The following TAP2 variants were observed in gnomAD, a reference collection of about 807,000 sequenced individuals.
The protein encoded by TAP2 is transporter 2, ATP binding cassette subfamily B member.
A neutral mutation model predicts 74.7 loss-of-function variants in TAP2; 49 were observed. That is an observed-to-expected ratio of 0.66 (90% CI 0.52 to 0.83). The LOEUF is 0.83. Ranked by LOEUF, TAP2 falls within the 40% of genes least tolerant of loss-of-function variation. The pLI is 0.00. For synonymous variants in TAP2, 306 were observed against 368.4 expected (o/e 0.83, Z 1.94); for missense variants, 739 against 859.0 (o/e 0.86, Z 1.75).
At position 32,827,286 on chromosome 6, in the gene TAP2, T is replaced by C. The variant is rs149939474; in HGVS notation, c.*1620A>G. On this transcript the variant is annotated 3_prime_UTR_variant, in exon 12 of 12. Transcript: ENST00000374897. ...AATGTTGCATTTTCAGTGGTGGGAG[T>C]GGGCAGGGAGGATTAAGATTAGTAC... The C allele has an allele frequency of 6.3e-5, 62 of 985,198 alleles. No individual in the cohort carries two copies. Among genetic ancestry groups the C allele is most frequent in the Middle Eastern group, 1.0e-3 (2 of 1,914 alleles). The allele number at this position is 985,198 out of a possible 1,614,324, so 61.0% of individuals were successfully genotyped here. A position where few individuals can be genotyped will look rare whatever the true frequency, so the allele number is the denominator to read the frequency against.
chr6:32,830,143 C>T, intron 9 of TAP2, 54 bp from the exon 10 acceptor site: 2 of 1,612,588 alleles, frequency 1.2e-6, no homozygotes, highest in Admixed American at 1.7e-5. Context: ...AAGGCAGGGG[C>T]CCTTTTGTCC....
intron 3 of TAP2, 37 bp downstream of exon 3, chr6:32,837,500 T>A: frequency 6.4e-7 from 1 of 1,571,276 alleles, no homozygotes; most frequent in Non-Finnish European, 8.7e-7. Context: ...TATAAAGATT[T>A]GGGGCTAGCA....
Position 32,829,679 on chromosome 6 carries a change from G to A in TAP2, c.1796-143C>T. 2.9e-6 allele frequency: 4 copies of A among 1,361,000 alleles called. No individual in the cohort carries two copies. The South Asian group carries it at 4.8e-5, about 16-fold the overall frequency. The allele number at this position is 1,361,000 out of a possible 1,614,324, so 84.3% of individuals were successfully genotyped here. Reference sequence around the variant, plus strand: ...GCGGGGAGGGCCCAGTGGGAGGAGGGCCATGGGGTGGGGACCTGACGGGGC... The same window carrying A: ...GCGGGGAGGGCCCAGTGGGAGGAGGACCATGGGGTGGGGACCTGACGGGGC... On this transcript the variant is annotated intron_variant, in intron 10 of 11. Transcript: ENST00000374897.
At chr6:32,834,420 C>T (rs185520321) in intron 5 of TAP2, among the ~76,000 whole-genome samples, 125 of 152,280 alleles carry the variant, frequency 8.2e-4, no homozygotes, top group African/African-American at 2.6e-3. Context: ...ACTTACGTAC[C>T]GCACCGGGAG....
At chr6:32,836,188 C>T (rs1769409564) in intron 3 of TAP2, among the ~76,000 whole-genome samples, 1 of 152,126 alleles carries the variant, frequency 6.6e-6, no homozygotes, top group African/African-American at 2.4e-5. Flanking sequence ...GCCCCATACC[C>T]AAAGCCCTTC....
In TAP2 at chr6:32,828,452, A is replaced by C; in HGVS notation, c.*454T>G. The C allele has an allele frequency of 4.1e-6, 4 of 984,758 alleles. No individual in the cohort carries two copies. In the South Asian group the frequency reaches 1.9e-4, roughly 46 times the overall value. 61.0% of individuals were successfully genotyped at this position (984,758 alleles called of 1,614,324 possible). On this transcript the variant is annotated 3_prime_UTR_variant, in exon 12 of 12. Coordinates refer to ENST00000374897, the MANE Select transcript of TAP2 (RefSeq NM_001290043.2). The stretch of plus-strand genomic sequence containing the variant: ...ACAACAGATAAACGACTGATGGGAC[A>C]GGCAGCAAAATAGCAACTATGGTTA...
chr6:32,829,823 G>A, intron 10 of TAP2, 107 bp downstream of exon 10: 1 of 1,447,146 alleles, frequency 6.9e-7, no homozygotes, highest in South Asian at 1.1e-5. Flanking sequence ...GGAAAGGGCA[G>A]AGGAACAGCA....
In TAP2 at chr6:32,832,811, TC is replaced by T. The variant is rs1562331529; in HGVS notation, c.958del (p.Glu320ArgfsTer60). On this transcript the variant is annotated frameshift_variant, in exon 6 of 12. Coordinates refer to ENST00000374897, the MANE Select transcript of TAP2 (RefSeq NM_001290043.2). LOFTEE classifies it high-confidence loss of function. The surrounding 1 kb of genome is among the most constrained non-coding windows in gnomAD (Gnocchi z 5.9). Reference sequence around the variant, plus strand: ...CGCCCTGGCCACTGCATCCTGGATCTCCCGAAGCACTTCCTGGAAAAGAGGG... The same window carrying T: ...CGCCCTGGCCACTGCATCCTGGATCTCCGAAGCACTTCCTGGAAAAGAGGG... The part of the protein sequence containing the change: ...YNTRHQEVLR[E>X]IQDAVARAGQ... 1 of 1,612,518 alleles carries T rather than the reference TC, an allele frequency of 6.2e-7. No homozygotes were observed. Among genetic ancestry groups the T allele is most frequent in the Non-Finnish European group, 8.5e-7 (1 of 1,180,010 alleles).
At position 32,826,706 on chromosome 6, in the gene TAP2, G is replaced by A. The variant is rs1768673119; in HGVS notation, c.*2200C>T. The A allele has an allele frequency of 2.0e-6, 2 of 985,306 alleles. No homozygotes were observed. The highest frequency in any genetic ancestry group is 2.4e-6 in the Non-Finnish European group (2 of 829,942). The allele number at this position is 985,306 out of a possible 1,614,324, so 61.0% of individuals were successfully genotyped here. A position where few individuals can be genotyped will look rare whatever the true frequency, so the allele number is the denominator to read the frequency against. ...TAAGTTTTCCACCCAGCTTTATCAT[G>A]ATTAGCTGCGTGATTTCATGTCAGT... On this transcript the variant is annotated 3_prime_UTR_variant, in exon 12 of 12. Coordinates refer to ENST00000374897, the MANE Select transcript of TAP2 (RefSeq NM_001290043.2).
Position 32,826,058 on chromosome 6 carries a change from A to T in TAP2, c.*2848T>A. On this transcript the variant is annotated 3_prime_UTR_variant, in exon 12 of 12. Coordinates refer to ENST00000374897, the MANE Select transcript of TAP2 (RefSeq NM_001290043.2). ...ACCCAGTTTCTTCTGGGACCATTAG[A>T]TGGCATCAGACTCAAGCAGGTGCTC... is the stretch of plus-strand genomic sequence containing the variant. The T allele has an allele frequency of 1.0e-6, 1 of 985,430 alleles. No individual in the cohort carries two copies. The highest frequency in any genetic ancestry group is 1.2e-6 in the Non-Finnish European group (1 of 829,940). 61.0% of individuals were successfully genotyped at this position (985,430 alleles called of 1,614,324 possible). A position where few individuals can be genotyped will look rare whatever the true frequency, so the allele number is the denominator to read the frequency against.
downstream of TAP2, among the ~76,000 whole-genome samples, chr6:32,824,808 C>T (rs1768528463): frequency 7.5e-6 from 1 of 132,932 alleles, no homozygotes; most frequent in Admixed American, 7.1e-5. Flanking sequence ...ACTTTAGGTG[C>T]TTTAACTTTG....
Position 32,835,457 on chromosome 6 carries a change from C to A in TAP2, c.740-98G>T. 1 of 1,458,280 alleles carries A rather than the reference C, an allele frequency of 6.9e-7. No homozygotes were observed. Among genetic ancestry groups the A allele is most frequent in the Non-Finnish European group, 9.5e-7 (1 of 1,051,808 alleles). 90.3% of individuals were successfully genotyped at this position (1,458,280 alleles called of 1,614,324 possible). ...CCGTTCCCTCTGACACAGCCCCCTC[C>A]TCTGAACATCCTCCTTCACTTGCAG... On this transcript the variant is annotated intron_variant, in intron 4 of 11. Coordinates refer to ENST00000374897, the MANE Select transcript of TAP2 (RefSeq NM_001290043.2). This position sits in a 1 kb window ranked among gnomAD's most constrained non-coding sequence, Gnocchi z 4.0.
Position 32,827,447 on chromosome 6 carries a change from G to T in TAP2, c.*1459C>A. On this transcript the variant is annotated 3_prime_UTR_variant, in exon 12 of 12. Coordinates refer to ENST00000374897, the MANE Select transcript of TAP2 (RefSeq NM_001290043.2). ...CCCAGGTGCTCATGGTCTAGTGGAAGGTCAAAAAAGGTGGGAAAGGGAAGA... is the reference window on the plus strand; with the variant it reads ...CCCAGGTGCTCATGGTCTAGTGGAATGTCAAAAAAGGTGGGAAAGGGAAGA... 1.6e-6 allele frequency: 1 copy of T among 642,500 alleles called. No individual in the cohort carries two copies. Among genetic ancestry groups the T allele is most frequent in the Non-Finnish European group, 1.9e-6 (1 of 517,296 alleles). The allele number at this position is 642,500 out of a possible 1,614,324, so 39.8% of individuals were successfully genotyped here. A position where few individuals can be genotyped will look rare whatever the true frequency, so the allele number is the denominator to read the frequency against.
downstream of TAP2, among the ~76,000 whole-genome samples, chr6:32,824,179 C>T (rs1768490013): frequency 6.6e-6 from 1 of 152,012 alleles, no homozygotes; most frequent in Non-Finnish European, 1.5e-5. Context: ...TATAATTCTC[C>T]TATATTTCTT....
In TAP2 at chr6:32,835,755, G is replaced by A; in HGVS notation, c.627C>T (p.Cys209=). 2.5e-6 allele frequency: 4 copies of A among 1,613,126 alleles called. No individual in the cohort carries two copies. The highest frequency in any genetic ancestry group is 3.4e-6 in the Non-Finnish European group (4 of 1,180,024). ...FSFGSSLSAG[C]RGGCFTYTMS... ...TGGTGTAGGTGAAGCAGCCTCCTCG[G>A]CAGCCTGCAGACAGTGAGCTGTGGG... The change falls in exon 4 of 12, where the codon TGC becomes TGT. Residue 209 remains cysteine (C), a synonymous_variant. Coordinates refer to ENST00000374897, the MANE Select transcript of TAP2 (RefSeq NM_001290043.2). This position sits in a 1 kb window ranked among gnomAD's most constrained non-coding sequence, Gnocchi z 4.0.
intron 7 of TAP2, among the ~76,000 whole-genome samples, chr6:32,831,128 C>A (rs574866596): frequency 6.6e-6 from 1 of 152,342 alleles, no homozygotes; most frequent in South Asian, 2.1e-4. Context: ...TCCTTAAATG[C>A]AGGCACTGTG....
At chr6:32,824,414 T>C (rs936209173), downstream of TAP2, among the ~76,000 whole-genome samples, 18 of 152,142 alleles carry the variant, frequency 1.2e-4, 1 homozygote, top group Non-Finnish European at 2.6e-4. Flanking sequence ...ATTTTCATGT[T>C]TTTAGGTTTC....
At chr6:32,836,124 A>G (rs9500918) in intron 3 of TAP2, among the ~76,000 whole-genome samples, 1,632 of 152,354 alleles carry the variant, frequency 0.011, 28 homozygotes, top group African/African-American at 0.03. Context: ...CTTCTGTCCC[A>G]GCGTCCCTCA....
Position 32,827,705 on chromosome 6 carries a change from G to A in TAP2, c.*1201C>T. The A allele has an allele frequency of 1.0e-6, 1 of 954,122 alleles. No homozygotes were observed. The allele number at this position is 954,122 out of a possible 1,614,324, so 59.1% of individuals were successfully genotyped here. A position where few individuals can be genotyped will look rare whatever the true frequency, so the allele number is the denominator to read the frequency against. On this transcript the variant is annotated 3_prime_UTR_variant, in exon 12 of 12. Transcript: ENST00000374897. ...TTTGTCGTGGAGCTGGATACAACAG[G>A]AGAGGGTGAGACAGATGGGCTGGAA...
Sources: gnomAD v4.1 joint callset for allele counts (sites outside exome capture counted in the v4.1 genomes callset) on GRCh38, gnomAD v4.1.1 for gene constraint, Gnocchi (gnomAD v3.1) non-coding constraint, MANE v1.5 for transcripts, NCBI Gene and HGNC (gene_info 2026-07-23, HGNC 2026-07-21) for gene names.